The following CNTNAP2 variants were observed in gnomAD, a reference collection of about 807,000 sequenced individuals.
CNTNAP2 encodes contactin associated protein 2.
In CNTNAP2, 98 loss-of-function variants were observed where a neutral mutation model predicts 155.2. That is an observed-to-expected ratio of 0.63 (90% CI 0.54 to 0.75). The LOEUF is 0.75. CNTNAP2 is among the 30% of genes least tolerant of loss of function. The pLI is 0.00. For synonymous variants in CNTNAP2, 651 were observed against 631.2 expected (o/e 1.03, Z -0.47); for missense variants, 1,727 against 1,688.1 (o/e 1.02, Z -0.40).
At chr7:146,851,340 G>A (rs1224042291) in intron 3 of CNTNAP2, among the ~76,000 whole-genome samples, 4 of 152,276 alleles carry the variant, frequency 2.6e-5, no homozygotes, top group Middle Eastern at 3.4e-3. Flanking sequence ...TAAGGTCACA[G>A]AGCTTAAAAG....
intron 9 of CNTNAP2, among the ~76,000 whole-genome samples, chr7:147,371,968 A>T (rs1307253708): frequency 6.6e-6 from 1 of 152,140 alleles, no homozygotes; most frequent in East Asian, 1.9e-4. Context: ...CTTGTTTCAC[A>T]GTAGAGTTTC....
At chr7:146,214,688 T>C (rs767096778) in intron 1 of CNTNAP2, among the ~76,000 whole-genome samples, 1 of 152,212 alleles carries the variant, frequency 6.6e-6, no homozygotes, top group Non-Finnish European at 1.5e-5. Context: ...TCTATAATGG[T>C]TTATTTTTCA....
At position 146,528,702 on chromosome 7, in the gene CNTNAP2, G is replaced by A. The variant is rs1466446134; in HGVS notation, c.98-245569G>A. ...TATTATATGTCAGTGGGTAGGAGAGGAAATGAAATAAGACTGGCCACATAG... is the reference window on the plus strand; with the variant it reads ...TATTATATGTCAGTGGGTAGGAGAGAAAATGAAATAAGACTGGCCACATAG... On this transcript the variant is annotated intron_variant, in intron 1 of 23. Coordinates refer to ENST00000361727, the MANE Select transcript of CNTNAP2 (RefSeq NM_014141.6). 2.6e-5 allele frequency among the ~76,000 whole-genome samples: 4 copies of A among 152,092 alleles called. No individual in the cohort carries two copies. In the East Asian group the frequency reaches 5.8e-4, roughly 22 times the overall value.
intron 15 of CNTNAP2, among the ~76,000 whole-genome samples, chr7:148,097,303 A>G (rs988251612): frequency 4.7e-5 from 7 of 148,660 alleles, no homozygotes; most frequent in African/African-American, 1.7e-4. Context: ...CCATGCAACC[A>G]GAAAATGTGT....
At chr7:147,104,346 A>G (rs2129278574) in intron 4 of CNTNAP2, among the ~76,000 whole-genome samples, 1 of 152,152 alleles carries the variant, frequency 6.6e-6, no homozygotes, top group Middle Eastern at 3.4e-3. Flanking sequence ...TTATGAAATA[A>G]GGTTTAAAAA....
intron 2 of CNTNAP2, among the ~76,000 whole-genome samples, chr7:146,790,209 C>T (rs1802646017): frequency 6.6e-6 from 1 of 152,130 alleles, no homozygotes; most frequent in Non-Finnish European, 1.5e-5. Context: ...TATCTACCTT[C>T]TCTATAGATT....
rs957003747 is a variant in CNTNAP2 at position 147,365,398 on chromosome 7, A to C, written c.1499-30211A>C. The stretch of plus-strand genomic sequence containing the variant: ...ATCTCAAAAAGAAAAAAAAAAAAAA[A>C]AAAAAAAAAACAAAGAAACTTATAT... On this transcript the variant is annotated intron_variant, in intron 9 of 23. Coordinates refer to ENST00000361727, the MANE Select transcript of CNTNAP2 (RefSeq NM_014141.6). Among the ~76,000 whole-genome samples, 652 of 150,592 alleles carry C rather than the reference A, an allele frequency of 4.3e-3. 5 individuals carry two copies. Among genetic ancestry groups the C allele is most frequent in the Non-Finnish European group, 6.8e-3 (460 of 67,610 alleles).
chr7:147,485,874 T>G (rs1476267841), intron 10 of CNTNAP2, 61 bp from the exon 11 acceptor site: 1 of 1,519,930 alleles, frequency 6.6e-7, no homozygotes, highest in Admixed American at 1.7e-5. Flanking sequence ...GCTTGGAATT[T>G]GGCCACTCAT....
At chr7:147,472,191 TTTTC>T (rs1370609647) in intron 10 of CNTNAP2, among the ~76,000 whole-genome samples, 114 of 144,400 alleles carry the variant, frequency 7.9e-4, no homozygotes, top group African/African-American at 2.0e-3. Flanking sequence ...CCATTGAAGT[TTTTC>T]TTTTTTTCCT....
At chr7:146,803,161 C>T (rs768685530) in intron 2 of CNTNAP2, among the ~76,000 whole-genome samples, 1 of 151,862 alleles carries the variant, frequency 6.6e-6, no homozygotes, top group Non-Finnish European at 1.5e-5. Flanking sequence ...GTGGAATGAA[C>T]GTGCACGTCT....
intron 13 of CNTNAP2, among the ~76,000 whole-genome samples, chr7:147,821,092 T>C (rs763679978): frequency 2.6e-5 from 4 of 152,134 alleles, no homozygotes; most frequent in Non-Finnish European, 5.9e-5. Flanking sequence ...ACTAAAGACA[T>C]AGTTACCTGT....
intron 3 of CNTNAP2, among the ~76,000 whole-genome samples, chr7:146,851,414 C>A (rs186162198): frequency 1.3e-5 from 2 of 152,042 alleles, no homozygotes; most frequent in Admixed American, 1.3e-4. Context: ...AAAGAAAGTA[C>A]TATTTACCTA....
At chr7:147,946,458 G>A (rs1767914599) in intron 14 of CNTNAP2, among the ~76,000 whole-genome samples, 3 of 151,988 alleles carry the variant, frequency 2.0e-5, no homozygotes, top group South Asian at 4.2e-4. Flanking sequence ...TGGTTTATAT[G>A]GAAGAAAATA....
chr7:147,514,703 T>C (rs1320808398), intron 11 of CNTNAP2, among the ~76,000 whole-genome samples: 1 of 151,902 alleles, frequency 6.6e-6, no homozygotes, highest in African/African-American at 2.4e-5. Flanking sequence ...ACAGTGAGTA[T>C]AGAGAAGAGA....
chr7:147,474,848 G>A (rs1165141033), intron 10 of CNTNAP2, among the ~76,000 whole-genome samples: 2 of 152,174 alleles, frequency 1.3e-5, no homozygotes, highest in African/African-American at 4.8e-5. Flanking sequence ...TTATGGAGCT[G>A]AGGGCAGGGA....
chr7:146,330,595 C>T (rs1801169154), intron 1 of CNTNAP2, among the ~76,000 whole-genome samples: 2 of 152,078 alleles, frequency 1.3e-5, no homozygotes, highest in Non-Finnish European at 2.9e-5. Context: ...CAAGAAAAGC[C>T]TTTCTCATAC....
chr7:147,899,220 G>A lies in CNTNAP2; in HGVS notation c.2099-4345G>A, dbSNP rs552835472. On this transcript the variant is annotated intron_variant, in intron 13 of 23. Transcript: ENST00000361727. Reference sequence around the variant, plus strand: ...CCAAGTGTGGTGGCATGTGCCTGTAGTTCCAGCTACTCAGGAGGCTGAGGT... The same window carrying A: ...CCAAGTGTGGTGGCATGTGCCTGTAATTCCAGCTACTCAGGAGGCTGAGGT... 3.5e-4 allele frequency among the ~76,000 whole-genome samples: 54 copies of A among 152,212 alleles called. 1 individual carries two copies. The highest frequency in any genetic ancestry group is 1.3e-3 in the African/African-American group (54 of 41,540).
At position 147,264,937 on chromosome 7, in the gene CNTNAP2, G is replaced by A. The variant is rs552634209; in HGVS notation, c.1349-35204G>A. The stretch of plus-strand genomic sequence containing the variant: ...GACAGAGGTTTCAAATCCTACATGA[G>A]GAGGAAGGTTATTTACATATTAAGC... On this transcript the variant is annotated intron_variant, in intron 8 of 23. Coordinates refer to ENST00000361727, the MANE Select transcript of CNTNAP2 (RefSeq NM_014141.6). 3.9e-5 allele frequency among the ~76,000 whole-genome samples: 6 copies of A among 152,172 alleles called. No individual in the cohort carries two copies. The East Asian group carries it at 9.8e-4, about 25-fold the overall frequency.
chr7:147,839,336 C>T (rs111606088), intron 13 of CNTNAP2, among the ~76,000 whole-genome samples: 52 of 152,230 alleles, frequency 3.4e-4, no homozygotes, highest in African/African-American at 1.2e-3. Context: ...TTAACCATCA[C>T]AGGTACCTAA....
Sources: gnomAD v4.1 joint callset for allele counts (sites outside exome capture counted in the v4.1 genomes callset) on GRCh38, gnomAD v4.1.1 for gene constraint, MANE v1.5 for transcripts, NCBI Gene and HGNC (gene_info 2026-07-23, HGNC 2026-07-21) for gene names.